Variants in AP5B1 observed in about 807,000 individuals in gnomAD.
AP5B1 encodes adaptor related protein complex 5 subunit beta 1, also known as AP-5 complex subunit beta-1.
Under a neutral mutation model 5.7 loss-of-function variants are expected in AP5B1, and 3 were observed. That is an observed-to-expected ratio of 0.53 (90% CI 0.24 to 1.36). The LOEUF is 1.36. Among genes scored for constraint, AP5B1 ranks in the 40% most tolerant of loss-of-function variants. The pLI, the probability that AP5B1 is intolerant of heterozygous loss-of-function variation, is 0.17. For synonymous variants in AP5B1, 696 were observed against 555.5 expected, an observed-to-expected ratio of 1.25 and a Z score of -3.56; for missense variants, 1,310 against 1,143.2, an observed-to-expected ratio of 1.15 and a Z score of -2.10.
Position 65,777,524 on chromosome 11 carries a change from C to A in AP5B1, c.*332G>T. On this transcript the variant is annotated 3_prime_UTR_variant, in exon 2 of 2. Transcript: ENST00000532090. ...CTTGGGAGTGGGTTCGCTCTCTCCC[C>A]TCACTCCTGTCACTCTGTCCTCTGT... is the stretch of plus-strand genomic sequence containing the variant. 3.5e-6 allele frequency: 1 copy of A among 285,318 alleles called. No homozygotes were observed. Among genetic ancestry groups the A allele is most frequent in the Non-Finnish European group, 6.6e-6 (1 of 150,674 alleles). The allele number at this position is 285,318 out of a possible 1,614,324, so 17.7% of individuals were successfully genotyped here. A position where few individuals can be genotyped will look rare whatever the true frequency, so the allele number is the denominator to read the frequency against.
rs1857809080 is a variant in AP5B1 at position 65,779,178 on chromosome 11, G to GC, written c.1314dup (p.His439AlafsTer76). 1.9e-6 allele frequency: 3 copies of GC among 1,610,890 alleles called. No individual in the cohort carries two copies. In the South Asian group the frequency reaches 3.3e-5, roughly 18 times the overall value. ...CCAGCCAGCAGCTCTTCCAGGTAGT[G>GC]CCGTGGGCTTGGAAGCTGGCCTTTC... On this transcript the variant is annotated frameshift_variant, in exon 2 of 2. Transcript: ENST00000532090. LOFTEE classifies it low-confidence loss of function (END_TRUNC).
chr11:65,778,744 C>G lies in AP5B1; in HGVS notation c.1749G>C (p.Leu583=). Reference sequence around the variant, plus strand: ...GGCCGCCCCTCACCCCTGCCCGCAGCAGCGCCCGGCAGACCCGCAGCAGGC... The same window carrying G: ...GGCCGCCCCTCACCCCTGCCCGCAGGAGCGCCCGGCAGACCCGCAGCAGGC... The part of the protein sequence containing the change: ...QQGLLRVCRA[L]LRAGVRGGLV... Residue 583 remains leucine, a synonymous_variant, in exon 2 of 2, where the codon CTG becomes CTC. Coordinates refer to ENST00000532090, the MANE Select transcript of AP5B1 (RefSeq NM_138368.5). 1 of 1,605,960 alleles carries G rather than the reference C, an allele frequency of 6.2e-7. No homozygotes were observed. Among genetic ancestry groups the G allele is most frequent in the African/African-American group, 1.3e-5 (1 of 75,004 alleles).
At position 65,778,481 on chromosome 11, in the gene AP5B1, T is replaced by G. The variant is rs773725951; in HGVS notation, c.2012A>C (p.His671Pro). 1 of 1,573,696 alleles carries G rather than the reference T, an allele frequency of 6.4e-7. No individual in the cohort carries two copies. Among genetic ancestry groups the G allele is most frequent in the Non-Finnish European group, 8.6e-7 (1 of 1,164,978 alleles). ...PALVRLSLGS[H>P]RVKGPLPVLK... is the part of the protein sequence containing the mutation. ...CACTGGGAGTGGGCCCTTGACCCGA[T>G]GGGACCCCAGGCTCAGCCGTACCAG... The change falls in exon 2 of 2, where the codon CAT becomes CCT. Residue 671 changes from histidine (H) to proline (P), a missense_variant. By Grantham distance (77) the His-to-Pro change is moderately conservative. Coordinates refer to ENST00000532090, the MANE Select transcript of AP5B1 (RefSeq NM_138368.5).
In AP5B1 at chr11:65,778,400, C is replaced by A. The variant is rs745327454; in HGVS notation, c.2093G>T (p.Arg698Leu). 1.3e-6 allele frequency: 2 copies of A among 1,594,724 alleles called. No individual in the cohort carries two copies. Among genetic ancestry groups the A allele is most frequent in the Non-Finnish European group, 8.5e-7 (1 of 1,172,758 alleles). Residue 698 changes from arginine (R) to leucine (L), a missense_variant, in exon 2 of 2, where the codon CGT (arginine) becomes CTT (leucine). Coordinates refer to ENST00000532090, the MANE Select transcript of AP5B1 (RefSeq NM_138368.5). ...EPIYSLELRFRVEGQLYAPLE... is the reference protein window; with the variant it reads ...EPIYSLELRFLVEGQLYAPLE... The stretch of plus-strand genomic sequence containing the variant: ...GGGTGCATACAGCTGTCCTTCCACA[C>A]GGAAGCGCAGCTCCAGAGAGTAGAT...
rs1195488989 is a variant in AP5B1, at chr11:65,778,424, A to G, written c.2069T>C (p.Ile690Thr). 6.3e-7 allele frequency: 1 copy of G among 1,583,026 alleles called. No homozygotes were observed. The highest frequency in any genetic ancestry group is 2.3e-5 in the East Asian group (1 of 43,530). The change falls in exon 2 of 2, where the codon ATC becomes ACC. Residue 690 changes from isoleucine to threonine, a missense_variant. By Grantham distance (89) the Ile-to-Thr change is moderately conservative. Coordinates refer to ENST00000532090, the MANE Select transcript of AP5B1 (RefSeq NM_138368.5). ...LKLQPEALEP[I>T]YSLELRFRVE... ...ACGGAAGCGCAGCTCCAGAGAGTAG[A>G]TGGGCTCCAGCGCCTCCGGCTGGAG...
rs1168869970 is a variant in AP5B1 at position 65,778,621 on chromosome 11, T to G, written c.1872A>C (p.Ala624=). 6.3e-7 allele frequency: 1 copy of G among 1,594,566 alleles called. No individual in the cohort carries two copies. The highest frequency in any genetic ancestry group is 8.5e-7 in the Non-Finnish European group (1 of 1,172,376). ...LYYILLAHLA[A]PKLGVALGPS... Reference sequence around the variant, plus strand: ...GGCCCAGGGCCACCCCCAACTTGGGTGCTGCCAGGTGTGCCAGCAGGATGT... The same window carrying G: ...GGCCCAGGGCCACCCCCAACTTGGGGGCTGCCAGGTGTGCCAGCAGGATGT... Residue 624 remains alanine, a synonymous_variant, in exon 2 of 2, where the codon GCA becomes GCC. Transcript: ENST00000532090.
In AP5B1 at chr11:65,774,414, T is replaced by C. The variant is rs547555678; in HGVS notation, c.*3442A>G. On this transcript the variant is annotated 3_prime_UTR_variant, in exon 2 of 2. Transcript: ENST00000532090. ...TGCCCCAAAACTGACCCCTTCACAT[T>C]TCTTTTTTCTTTTTTGAGACGGAGT... Among the ~76,000 whole-genome samples, 28 of 152,184 alleles carry C rather than the reference T, an allele frequency of 1.8e-4. No individual in the cohort carries two copies.
chr11:65,778,484 G>T lies in AP5B1; in HGVS notation c.2009C>A (p.Ser670Tyr). 6.4e-7 allele frequency: 1 copy of T among 1,573,724 alleles called. No individual in the cohort carries two copies. Among genetic ancestry groups the T allele is most frequent in the East Asian group, 2.3e-5 (1 of 43,026 alleles). Residue 670 changes from serine (S) to tyrosine (Y), a missense_variant, in exon 2 of 2, where the codon TCC becomes TAC. Physicochemically the swap from Ser to Tyr is moderately radical, Grantham distance 144. Coordinates refer to ENST00000532090, the MANE Select transcript of AP5B1 (RefSeq NM_138368.5). ...APALVRLSLG[S>Y]HRVKGPLPVL... ...TGGGAGTGGGCCCTTGACCCGATGGGACCCCAGGCTCAGCCGTACCAGGGC... is the reference window on the plus strand; with the variant it reads ...TGGGAGTGGGCCCTTGACCCGATGGTACCCCAGGCTCAGCCGTACCAGGGC...
rs559385450 is a variant in AP5B1, at chr11:65,774,353, A to C, written c.*3503T>G. ...CCCAACGGTCATGGCAGAGGAAGAG[A>C]GGGCTGGAAAATTGAGCACTGGCAA... On this transcript the variant is annotated 3_prime_UTR_variant, in exon 2 of 2. Coordinates refer to ENST00000532090, the MANE Select transcript of AP5B1 (RefSeq NM_138368.5). Among the ~76,000 whole-genome samples the C allele has an allele frequency of 1.3e-5, 2 of 152,334 alleles. No individual in the cohort carries two copies. The highest frequency in any genetic ancestry group is 2.1e-4 in the South Asian group (1 of 4,828).
Position 65,779,631 on chromosome 11 carries a change from G to A in AP5B1, c.862C>T (p.Gln288Ter). 4 of 1,609,880 alleles carry A rather than the reference G, an allele frequency of 2.5e-6. No homozygotes were observed. The highest frequency in any genetic ancestry group is 1.1e-5 in the South Asian group (1 of 90,876). The part of the protein sequence containing the change: ...SYLLTPVAQA[Q>*]LLWLLGWALR... ...GCCCAGCCCAGCAGCCACAGGAGCTGGGCCTGGGCCACAGGAGTGAGCAGA... is the reference window on the plus strand; with the variant it reads ...GCCCAGCCCAGCAGCCACAGGAGCTAGGCCTGGGCCACAGGAGTGAGCAGA... Residue 288 changes from glutamine to a stop codon, truncating the protein, a stop_gained, in exon 2 of 2, where the codon CAG becomes TAG. Coordinates refer to ENST00000532090, the MANE Select transcript of AP5B1 (RefSeq NM_138368.5). LOFTEE classifies it low-confidence loss of function (END_TRUNC).
rs767375958 is a variant in AP5B1, at chr11:65,779,259, G to C, written c.1234C>G (p.Leu412Val). 1.3e-5 allele frequency: 20 copies of C among 1,594,032 alleles called. No individual in the cohort carries two copies. Among genetic ancestry groups the C allele is most frequent in the Non-Finnish European group, 1.5e-5 (17 of 1,169,312 alleles). Residue 412 changes from leucine (L) to valine (V), a missense_variant, in exon 2 of 2, where the codon CTC becomes GTC. Transcript: ENST00000532090. Reference protein sequence around the residue: ...LPSLLHDPMALLARLHLLCLL... With the variant: ...LPSLLHDPMAVLARLHLLCLL... ...CACAGTAAATGCAGGCGGGCCAGGAGGGCCATTGGGTCATGCAGGAGACTG... is the reference window on the plus strand; with the variant it reads ...CACAGTAAATGCAGGCGGGCCAGGACGGCCATTGGGTCATGCAGGAGACTG...
rs904012585 is a variant in AP5B1, at chr11:65,775,599, G to T, written c.*2257C>A. On this transcript the variant is annotated 3_prime_UTR_variant, in exon 2 of 2. Transcript: ENST00000532090. ...CCCCATGTCCCAGGGCCCAAGCCCA[G>T]CTTCCTGGGTGCTTACAGGGGATGG... Among the ~76,000 whole-genome samples the T allele has an allele frequency of 6.6e-6, 1 of 152,164 alleles. No individual in the cohort carries two copies. The highest frequency in any genetic ancestry group is 2.4e-5 in the African/African-American group (1 of 41,426).
At position 65,779,064 on chromosome 11, in the gene AP5B1, C is replaced by G. The variant is rs746467342; in HGVS notation, c.1429G>C (p.Ala477Pro). Residue 477 changes from alanine to proline, a missense_variant, in exon 2 of 2, where the codon GCT (alanine) becomes CCT (proline). Transcript: ENST00000532090. ...QASYLVACCLAGQPTVLTPLI... is the reference protein window; with the variant it reads ...QASYLVACCLPGQPTVLTPLI... ...GGGGTCAGCACCGTAGGTTGCCCAG[C>G]CAGGCAGCAGGCCACCAGATACGAG... 6.2e-7 allele frequency: 1 copy of G among 1,606,794 alleles called. No individual in the cohort carries two copies. Among genetic ancestry groups the G allele is most frequent in the Non-Finnish European group, 8.5e-7 (1 of 1,176,976 alleles).
In AP5B1 at chr11:65,779,452, C is replaced by CAGCA. The variant is rs748169672; in HGVS notation, c.1037_1040dup (p.Leu348AlafsTer31). On this transcript the variant is annotated frameshift_variant, in exon 2 of 2. Transcript: ENST00000532090. LOFTEE classifies it low-confidence loss of function (END_TRUNC). ...GGGCAGCCAAGGTGAGCCGGCGGAG[C>CAGCA]AGCAACGCTTCATCCTGGGCTGTGA... is the stretch of plus-strand genomic sequence containing the variant. 3 of 1,605,956 alleles carry CAGCA rather than the reference C, an allele frequency of 1.9e-6. No homozygotes were observed. In the South Asian group the frequency reaches 3.3e-5, roughly 18 times the overall value.
intron 1 of AP5B1, 42 bp downstream of exon 1, chr11:65,780,400 G>T: frequency 6.8e-7 from 1 of 1,470,356 alleles, no homozygotes; most frequent in South Asian, 1.3e-5. Flanking sequence ...GGCGGGCTGG[G>T]GTGACCCTGC....
chr11:65,777,933 C>T lies in AP5B1; in HGVS notation c.2560G>A (p.Val854Met). Reference protein sequence around the residue: ...LEAALADGVPVALRTDDWAVL... With the variant: ...LEAALADGVPMALRTDDWAVL... ...GCCCAGTCATCGGTCCGCAGGGCCACAGGCACTCCATCTGCCAGGGCCGCC... is the reference window on the plus strand; with the variant it reads ...GCCCAGTCATCGGTCCGCAGGGCCATAGGCACTCCATCTGCCAGGGCCGCC... Residue 854 changes from valine to methionine, a missense_variant, in exon 2 of 2, where the codon GTG becomes ATG. Val to Met is a conservative substitution (Grantham distance 21, BLOSUM62 1). Transcript: ENST00000532090. 2 of 1,568,734 alleles carry T rather than the reference C, an allele frequency of 1.3e-6. No individual in the cohort carries two copies. Among genetic ancestry groups the T allele is most frequent in the Non-Finnish European group, 1.7e-6 (2 of 1,157,988 alleles).
chr11:65,779,965 C>T lies in AP5B1; in HGVS notation c.528G>A (p.Leu176=). ...GTGGCTGGACAGGGCCTTCCTGCCC[C>T]AGCAGGCCCCGCAGCAACCCCAGGG... The part of the protein sequence containing the change: ...GGSLGLLRGL[L]GQEGPVQPLS... Residue 176 remains leucine (L), a synonymous_variant, in exon 2 of 2, where the codon CTG becomes CTA. Coordinates refer to ENST00000532090, the MANE Select transcript of AP5B1 (RefSeq NM_138368.5). 6.3e-7 allele frequency: 1 copy of T among 1,583,970 alleles called. No individual in the cohort carries two copies. The highest frequency in any genetic ancestry group is 8.6e-7 in the Non-Finnish European group (1 of 1,165,538).
Position 65,779,775 on chromosome 11 carries a change from G to A in AP5B1, c.718C>T (p.Pro240Ser), listed in dbSNP as rs776042611. Reference sequence around the variant, plus strand: ...CCCTCCTCAGCTGCCGGCCAGCTGGGTGCCTGGGGCTGAAGGCGTCCATCG... The same window carrying A: ...CCCTCCTCAGCTGCCGGCCAGCTGGATGCCTGGGGCTGAAGGCGTCCATCG... ...EGDGRLQPQAPSWPAAEEGEG... is the reference protein window; with the variant it reads ...EGDGRLQPQASSWPAAEEGEG... Residue 240 changes from proline (P) to serine (S), a missense_variant, in exon 2 of 2, where the codon CCC becomes TCC. Transcript: ENST00000532090. The A allele has an allele frequency of 3.2e-6, 5 of 1,584,918 alleles. No individual in the cohort carries two copies. Among genetic ancestry groups the A allele is most frequent in the South Asian group, 1.1e-5 (1 of 87,024 alleles).
At position 65,779,157 on chromosome 11, in the gene AP5B1, C is replaced by T. The variant is rs1224185934; in HGVS notation, c.1336G>A (p.Ala446Thr). The T allele has an allele frequency of 6.2e-7, 1 of 1,611,436 alleles. No homozygotes were observed. Among genetic ancestry groups the T allele is most frequent in the Non-Finnish European group, 8.5e-7 (1 of 1,179,242 alleles). Reference sequence around the variant, plus strand: ...AGGGCTGCCCGCTGCCGCAAGCCAGCCAGCAGCTCTTCCAGGTAGTGCCGT... The same window carrying T: ...AGGGCTGCCCGCTGCCGCAAGCCAGTCAGCAGCTCTTCCAGGTAGTGCCGT... ...SPRHYLEELL[A>T]GLRQRAALDG... is the part of the protein sequence containing the mutation. Residue 446 changes from alanine (A) to threonine (T), a missense_variant, in exon 2 of 2, where the codon GCT becomes ACT. Ala to Thr is a moderately conservative substitution (Grantham distance 58). Coordinates refer to ENST00000532090, the MANE Select transcript of AP5B1 (RefSeq NM_138368.5).
Sources: allele counts gnomAD v4.1 joint callset (sites outside exome capture counted in the v4.1 genomes callset), GRCh38; gene constraint gnomAD v4.1.1; transcripts MANE v1.5; gene names NCBI Gene and HGNC (gene_info 2026-07-23, HGNC 2026-07-21).